BCL2L13: variants seen among roughly 807,000 people sequenced by gnomAD.
The protein encoded by BCL2L13 is BCL2 like 13.
Under a neutral mutation model 25.8 loss-of-function variants are expected in BCL2L13, and 13 were observed. The ratio of observed to expected loss-of-function variants is 0.50; its 90% CI spans 0.33 to 0.80. The LOEUF (loss-of-function observed/expected upper bound fraction) is 0.80. Among genes scored for constraint, BCL2L13 ranks in the 30% least tolerant of loss-of-function variants. The pLI, the probability that BCL2L13 is intolerant of heterozygous loss-of-function variation, is 0.02. For synonymous variants in BCL2L13, 244 were observed against 230.3 expected (o/e 1.06, Z -0.54); for missense variants, 504 against 574.9 (o/e 0.88, Z 1.26).
intron 2 of BCL2L13, among the ~76,000 whole-genome samples, chr22:17,658,789 T>G (rs1316989966): frequency 6.6e-6 from 1 of 151,506 alleles, no homozygotes; most frequent in Admixed American, 6.6e-5. Flanking sequence ...CCAGGCACGG[T>G]GGCTCACACC....
rs2058732024 is a variant in BCL2L13, at chr22:17,652,871, T to C, written c.-50-2791T>C. On this transcript the variant is annotated intron_variant, in intron 1 of 6. Coordinates refer to ENST00000317582, the MANE Select transcript of BCL2L13 (RefSeq NM_015367.4). ...CGAGGTCAGGAGATCGAGACCATCC[T>C]GGCTAACACGGTGAAACCCTGTCTC... Among the ~76,000 whole-genome samples the C allele has an allele frequency of 2.0e-5, 3 of 152,108 alleles. No individual in the cohort carries two copies. In the South Asian group the frequency reaches 6.2e-4, roughly 31 times the overall value.
At chr22:17,683,106 C>T in intron 2 of BCL2L13, 108 bp from the exon 3 acceptor site, 1 of 614,902 alleles carries the variant, frequency 1.6e-6, no homozygotes, top group Non-Finnish European at 2.9e-6. Context: ...GCACTCCAGC[C>T]CCAGTGACAG....
chr22:17,646,716 CTTTT>C (rs10684670), intron 1 of BCL2L13, among the ~76,000 whole-genome samples: 1 of 89,192 alleles, frequency 1.1e-5, no homozygotes, highest in Non-Finnish European at 2.0e-5. Flanking sequence ...AAATATCTGT[CTTTT>C]TTTTTTTTTT....
chr22:17,672,695 T>TG (rs1215319652), intron 2 of BCL2L13, among the ~76,000 whole-genome samples: 7 of 152,212 alleles, frequency 4.6e-5, no homozygotes, highest in African/African-American at 1.7e-4. Context: ...GTTTTCCACA[T>TG]GGTTTATTAT....
At chr22:17,702,721 G>A (rs1401952129) in intron 6 of BCL2L13, 2 of 174,286 alleles carry the variant, frequency 1.1e-5, no homozygotes, top group Non-Finnish European at 2.4e-5. Context: ...ACTTAGAAAT[G>A]TATTTTTTAA....
chr22:17,695,566 T>A (rs184973106), intron 4 of BCL2L13, among the ~76,000 whole-genome samples: 1 of 152,202 alleles, frequency 6.6e-6, no homozygotes, highest in African/African-American at 2.4e-5. Flanking sequence ...GTGATCCACC[T>A]GCCTCGGCCT....
In BCL2L13 at chr22:17,640,168, A is replaced by G. The variant is rs376237805; in HGVS notation, c.-51+1282A>G. On this transcript the variant is annotated intron_variant, in intron 1 of 6. Transcript: ENST00000317582. ...CGCGCACGGTGATACCTTTTTTTCA[A>G]CCACCCCCGCGCCACCGCATGAAGT... Among the ~76,000 whole-genome samples, 12 of 149,376 alleles carry G rather than the reference A, an allele frequency of 8.0e-5. No individual in the cohort carries two copies. In the South Asian group the frequency reaches 2.3e-3, roughly 29 times the overall value.
At chr22:17,650,469 C>T (rs73876486) in intron 1 of BCL2L13, among the ~76,000 whole-genome samples, 2,253 of 152,068 alleles carry the variant, frequency 0.015, 57 homozygotes, top group African/African-American at 0.05. Context: ...TTCTGTGGCT[C>T]CTATTCTGGT....
At position 17,668,816 on chromosome 22, in the gene BCL2L13, A is replaced by C. The variant is rs117063726; in HGVS notation, c.121+12984A>C. On this transcript the variant is annotated intron_variant, in intron 2 of 6. Transcript: ENST00000317582. ...TATGGTTTGAAGTAGGGATTCAGAT[A>C]AGTTCTTCTGCATAGTACTGTGGTT... is the stretch of plus-strand genomic sequence containing the variant. Among the ~76,000 whole-genome samples the C allele has an allele frequency of 1.4e-4, 22 of 152,182 alleles. No homozygotes were observed. The East Asian group carries it at 4.3e-3, about 29-fold the overall frequency.
At chr22:17,663,635 A>G (rs1006150862) in intron 2 of BCL2L13, among the ~76,000 whole-genome samples, 1 of 132,450 alleles carries the variant, frequency 7.6e-6, no homozygotes, top group Non-Finnish European at 1.7e-5. Context: ...CATCTTCCTT[A>G]TTGTGTGTTT....
chr22:17,680,620 A>AG, intron 2 of BCL2L13, among the ~76,000 whole-genome samples: 1 of 144,612 alleles, frequency 6.9e-6, no homozygotes, highest in Non-Finnish European at 1.5e-5. Flanking sequence ...TGGCTCTCCG[A>AG]GGGGAGTGCA....
upstream of BCL2L13, among the ~76,000 whole-genome samples, chr22:17,637,041 G>A (rs2058120224): frequency 6.6e-6 from 1 of 152,128 alleles, no homozygotes; most frequent in Non-Finnish European, 1.5e-5. Flanking sequence ...GGGAGGCTGA[G>A]GCAGGCGGAT....
In BCL2L13 at chr22:17,730,235, T is replaced by G. The variant is rs2061378407; in HGVS notation, c.*2701T>G. On this transcript the variant is annotated 3_prime_UTR_variant, in exon 7 of 7. Transcript: ENST00000317582. ...CAGAAATCAGTCAGTACCTGCGGTG[T>G]GCCTTAAGGGGACTCTCATGATCAT... 1 of 152,162 alleles carries G rather than the reference T, an allele frequency of 6.6e-6. No homozygotes were observed. Among genetic ancestry groups the G allele is most frequent in the Non-Finnish European group, 1.5e-5 (1 of 68,032 alleles). 9.4% of individuals were successfully genotyped at this position (152,162 alleles called of 1,614,324 possible).
At chr22:17,707,470 A>G (rs113514950) in intron 6 of BCL2L13, among the ~76,000 whole-genome samples, 3 of 152,278 alleles carry the variant, frequency 2.0e-5, no homozygotes, top group African/African-American at 7.2e-5. Flanking sequence ...AAGTTACAAA[A>G]TGTCAGTGGA....
At chr22:17,649,541 C>T (rs887974856) in intron 1 of BCL2L13, among the ~76,000 whole-genome samples, 1 of 151,978 alleles carries the variant, frequency 6.6e-6, no homozygotes, top group Non-Finnish European at 1.5e-5. Flanking sequence ...CTTGCTCTGT[C>T]GCCCAGGCTG....
At chr22:17,646,957 T>A (rs9306196) in intron 1 of BCL2L13, among the ~76,000 whole-genome samples, 101 of 15,080 alleles carry the variant, frequency 6.7e-3, no homozygotes, top group Middle Eastern at 0.029. Context: ...ATATATATAT[T>A]TTTTTTTTTT....
At chr22:17,725,105 A>C (rs1263441225) in intron 6 of BCL2L13, among the ~76,000 whole-genome samples, 1 of 152,212 alleles carries the variant, frequency 6.6e-6, no homozygotes, top group Non-Finnish European at 1.5e-5. Flanking sequence ...GCTTTCACTC[A>C]GACTTCCTGA....
chr22:17,688,998 C>T lies in BCL2L13; in HGVS notation c.242C>T (p.Thr81Ile). The T allele has an allele frequency of 6.2e-7, 1 of 1,613,268 alleles. No individual in the cohort carries two copies. Among genetic ancestry groups the T allele is most frequent in the Non-Finnish European group, 8.5e-7 (1 of 1,179,656 alleles). The stretch of plus-strand genomic sequence containing the variant: ...GTCCTATCTTCAGCCTTCACCAGCA[C>T]AGGCTTTGACCGTCACACTTCTCCA... ...DKEISEAFTS[T>I]GFDRHTSPVF... is the part of the protein sequence containing the mutation. Residue 81 changes from threonine (T) to isoleucine (I), a missense_variant, in exon 4 of 7, where the codon ACA (threonine) becomes ATA (isoleucine). By Grantham distance (89) the Thr-to-Ile change is moderately conservative. Coordinates refer to ENST00000317582, the MANE Select transcript of BCL2L13 (RefSeq NM_015367.4).
At chr22:17,635,409 A>G (rs559223519), upstream of BCL2L13, among the ~76,000 whole-genome samples, 2 of 150,008 alleles carry the variant, frequency 1.3e-5, no homozygotes, top group Middle Eastern at 3.5e-3. Context: ...AACTCCAAAT[A>G]CCATAAACTG....
Sources: allele counts gnomAD v4.1 joint callset (sites outside exome capture counted in the v4.1 genomes callset), GRCh38; gene constraint gnomAD v4.1.1; transcripts MANE v1.5; gene names NCBI Gene and HGNC (gene_info 2026-07-23, HGNC 2026-07-21).